EDEM1: variants seen among roughly 807,000 people sequenced by gnomAD.
The protein encoded by EDEM1 is ER degradation-enhancing alpha-mannosidase-like protein 1.
A neutral mutation model predicts 74.4 loss-of-function variants in EDEM1; 67 were observed. That is an observed-to-expected ratio of 0.90 (90% CI 0.74 to 1.10). The LOEUF (loss-of-function observed/expected upper bound fraction) is 1.10. Among genes scored for constraint, EDEM1 ranks in the 50% least tolerant of loss-of-function variants. EDEM1 has a pLI of 0.00. For missense variants in EDEM1, 926 were observed against 851.6 expected, an observed-to-expected ratio of 1.09 and a Z score of -1.09; for synonymous variants, 382 against 335.9, an observed-to-expected ratio of 1.14 and a Z score of -1.50.
At chr3:5,204,472 C>G (rs2055071732) in intron 5 of EDEM1, among the ~76,000 whole-genome samples, 1 of 152,020 alleles carries the variant, frequency 6.6e-6, no homozygotes, top group Non-Finnish European at 1.5e-5. Context: ...CTCCCAGGCT[C>G]AAGTGATCCC....
At chr3:5,209,875 C>T (rs751625700) in intron 8 of EDEM1, among the ~76,000 whole-genome samples, 1 of 152,128 alleles carries the variant, frequency 6.6e-6, no homozygotes, top group Non-Finnish European at 1.5e-5. Context: ...GTGCTGTCAG[C>T]GTGGGCATTG....
chr3:5,202,169 T>C (rs2055042390), intron 4 of EDEM1, among the ~76,000 whole-genome samples: 1 of 152,138 alleles, frequency 6.6e-6, no homozygotes, highest in Non-Finnish European at 1.5e-5. Flanking sequence ...CCTTAAAGAG[T>C]AGATGTTCTG....
At chr3:5,201,430 G>A (rs163766) in intron 3 of EDEM1, among the ~76,000 whole-genome samples, 146,182 of 152,300 alleles carry the variant, frequency 0.96, 70,207 homozygotes, top group Non-Finnish European at 0.98. Context: ...GACTACAGGC[G>A]TGAGCCACCG....
chr3:5,207,212 T>G lies in EDEM1; in HGVS notation c.1277T>G (p.Phe426Cys). The change falls in exon 7 of 12, where the codon TTC (phenylalanine) becomes TGC (cysteine). Residue 426 changes from phenylalanine (F) to cysteine (C), a missense_variant. Coordinates refer to ENST00000256497, the MANE Select transcript of EDEM1 (RefSeq NM_014674.3). ...CCACTCTATGTCAACGTGAACATGT[T>G]CAGTGGGCAGCTGATGAACACCTGG... Reference protein sequence around the residue: ...DPPLYVNVNMFSGQLMNTWID... With the variant: ...DPPLYVNVNMCSGQLMNTWID... 2 of 1,614,212 alleles carry G rather than the reference T, an allele frequency of 1.2e-6. No individual in the cohort carries two copies. Among genetic ancestry groups the G allele is most frequent in the Non-Finnish European group, 1.7e-6 (2 of 1,180,028 alleles).
intron 2 of EDEM1, among the ~76,000 whole-genome samples, chr3:5,198,513 A>ATGAC (rs2054996792): frequency 1.3e-5 from 2 of 152,308 alleles, no homozygotes; most frequent in African/African-American, 4.8e-5. Flanking sequence ...GAGCAGAGGG[A>ATGAC]TGACTGAGTT....
In EDEM1 at chr3:5,212,232, C is replaced by T. The variant is rs554696916; in HGVS notation, c.1680+1016C>T. 9.9e-4 allele frequency among the ~76,000 whole-genome samples: 151 copies of T among 152,300 alleles called. 1 individual carries two copies. The highest frequency in any genetic ancestry group is 2.8e-4 in the Non-Finnish European group (19 of 68,018). On this transcript the variant is annotated intron_variant, in intron 10 of 11. Transcript: ENST00000256497. ...GAGCTGCTGGTCTAATCCATTAAGA[C>T]GATACTCTTCTCTGTCTGGGGTCTT...
intron 11 of EDEM1, 67 bp from the exon 12 acceptor site, chr3:5,215,762 A>G: frequency 7.1e-7 from 1 of 1,415,342 alleles, no homozygotes; most frequent in East Asian, 2.3e-5. Flanking sequence ...GGATTAAGTC[A>G]TCCAGTCACA....
At chr3:5,205,891 A>G (rs1303979779) in intron 6 of EDEM1, among the ~76,000 whole-genome samples, 1 of 152,100 alleles carries the variant, frequency 6.6e-6, no homozygotes, top group Non-Finnish European at 1.5e-5. Flanking sequence ...GCTCGCACGG[A>G]TGGAGGTTCT....
Position 5,187,743 on chromosome 3 carries a change from G to C in EDEM1, c.-63G>C, listed in dbSNP as rs2054840927. 2.8e-6 allele frequency: 4 copies of C among 1,445,722 alleles called. No individual in the cohort carries two copies. In the African/African-American group the frequency reaches 5.9e-5, roughly 21 times the overall value. The allele number at this position is 1,445,722 out of a possible 1,614,324, so 89.6% of individuals were successfully genotyped here. A position where few individuals can be genotyped will look rare whatever the true frequency, so the allele number is the denominator to read the frequency against. On this transcript the variant is annotated 5_prime_UTR_variant, in exon 1 of 12. Coordinates refer to ENST00000256497, the MANE Select transcript of EDEM1 (RefSeq NM_014674.3). ...GAGCCGGGCTACGGGGCGAGCGCGG[G>C]GTGCGGTGGTCGGCGGGGAGGCCCC...
In EDEM1 at chr3:5,202,884, G is replaced by A. The variant is rs2055050003; in HGVS notation, c.859-82G>A. On this transcript the variant is annotated intron_variant, in intron 4 of 11. Transcript: ENST00000256497. Reference sequence around the variant, plus strand: ...CCGTGGTAAGCTTGGTTTATTAGCTGAGTGTAGTCTCTGAGACCCGGCTTT... The same window carrying A: ...CCGTGGTAAGCTTGGTTTATTAGCTAAGTGTAGTCTCTGAGACCCGGCTTT... The A allele has an allele frequency of 3.1e-6, 4 of 1,286,464 alleles. No homozygotes were observed. The South Asian group carries it at 4.0e-5, about 13-fold the overall frequency. 79.7% of individuals were successfully genotyped at this position (1,286,464 alleles called of 1,614,324 possible).
At chr3:5,208,861 A>G (rs2106605661) in intron 8 of EDEM1, among the ~76,000 whole-genome samples, 1 of 152,122 alleles carries the variant, frequency 6.6e-6, no homozygotes, top group East Asian at 1.9e-4. Flanking sequence ...TAACTGTGAA[A>G]TGTCTTCTTC....
rs1383470380 is a variant in EDEM1 at position 5,217,110 on chromosome 3, G to A, written c.*1192G>A. ...CAGGAGGCCTGTTTAGCCACATGGT[G>A]AGACCGTGGTGAAAGGGGGATGGAA... On this transcript the variant is annotated 3_prime_UTR_variant, in exon 12 of 12. Transcript: ENST00000256497. 2 of 152,676 alleles carry A rather than the reference G, an allele frequency of 1.3e-5. No individual in the cohort carries two copies. The highest frequency in any genetic ancestry group is 2.9e-5 in the Non-Finnish European group (2 of 68,050). 9.5% of individuals were successfully genotyped at this position (152,676 alleles called of 1,614,324 possible). A position where few individuals can be genotyped will look rare whatever the true frequency, so the allele number is the denominator to read the frequency against.
rs935616749 is a variant in EDEM1 at position 5,215,828 on chromosome 3, G to C, written c.1885-1G>C. 1.2e-6 allele frequency: 2 copies of C among 1,612,982 alleles called. No individual in the cohort carries two copies. Among genetic ancestry groups the C allele is most frequent in the Admixed American group, 1.7e-5 (1 of 59,832 alleles). On this transcript the variant is annotated splice_acceptor_variant, in intron 11 of 11. Coordinates refer to ENST00000256497, the MANE Select transcript of EDEM1 (RefSeq NM_014674.3). LOFTEE classifies it high-confidence loss of function. ...ATTTTCCCTCGTTTTTGTCTTTCTAGTGCAATCGTGTACCTGATGAGAGGA... is the reference window on the plus strand; with the variant it reads ...ATTTTCCCTCGTTTTTGTCTTTCTACTGCAATCGTGTACCTGATGAGAGGA...
At chr3:5,210,719 T>C (rs1369535419) in intron 9 of EDEM1, among the ~76,000 whole-genome samples, 1 of 152,110 alleles carries the variant, frequency 6.6e-6, no homozygotes, top group Non-Finnish European at 1.5e-5. Context: ...TGTAAGTTTT[T>C]TTTTTTAAGT....
chr3:5,201,721 T>C lies in EDEM1; in HGVS notation c.687-32T>C, dbSNP rs60262729. 4.4e-4 allele frequency: 716 copies of C among 1,612,678 alleles called. 5 individuals carry two copies. The African/African-American group carries it at 9.1e-3, about 20-fold the overall frequency. ...TTATGTGCATTTACAAGCAACACGA[T>C]TGTATTATCTTTTTGTTCTTCCTGT... is the stretch of plus-strand genomic sequence containing the variant. On this transcript the variant is annotated intron_variant, in intron 3 of 11. Coordinates refer to ENST00000256497, the MANE Select transcript of EDEM1 (RefSeq NM_014674.3).
In EDEM1 at chr3:5,219,546, T is replaced by C. The variant is rs531742182; in HGVS notation, c.*3628T>C. 2.1e-4 allele frequency: 32 copies of C among 152,348 alleles called. No individual in the cohort carries two copies. The highest frequency in any genetic ancestry group is 7.5e-4 in the African/African-American group (31 of 41,590). The allele number at this position is 152,348 out of a possible 1,614,324, so 9.4% of individuals were successfully genotyped here. A position where few individuals can be genotyped will look rare whatever the true frequency, so the allele number is the denominator to read the frequency against. On this transcript the variant is annotated 3_prime_UTR_variant, in exon 12 of 12. Coordinates refer to ENST00000256497, the MANE Select transcript of EDEM1 (RefSeq NM_014674.3). ...TCTGGACGTGAATCTGGTAAAAATATCAAGTACCTGTGGAACTCCCTGATT... is the reference window on the plus strand; with the variant it reads ...TCTGGACGTGAATCTGGTAAAAATACCAAGTACCTGTGGAACTCCCTGATT...
At position 5,213,464 on chromosome 3, in the gene EDEM1, G is replaced by C; in HGVS notation, c.1826G>C (p.Gly609Ala). The C allele has an allele frequency of 1.2e-6, 2 of 1,614,062 alleles. No homozygotes were observed. The highest frequency in any genetic ancestry group is 1.7e-6 in the Non-Finnish European group (2 of 1,179,950). Reference protein sequence around the residue: ...FSEEGGQDQGGKSVHRPKPHE... With the variant: ...FSEEGGQDQGAKSVHRPKPHE... ...GAAGAGGGAGGGCAGGACCAAGGGGGAAAGTCTGTGCACAGGCCGAAACCT... is the reference window on the plus strand; with the variant it reads ...GAAGAGGGAGGGCAGGACCAAGGGGCAAAGTCTGTGCACAGGCCGAAACCT... The change falls in exon 11 of 12, where the codon GGA becomes GCA. Residue 609 changes from glycine to alanine, a missense_variant. Gly to Ala is a moderately conservative substitution (Grantham distance 60). Coordinates refer to ENST00000256497, the MANE Select transcript of EDEM1 (RefSeq NM_014674.3).
chr3:5,208,770 T>TATAC (rs1553592914), intron 8 of EDEM1, among the ~76,000 whole-genome samples: 9 of 148,416 alleles, frequency 6.1e-5, no homozygotes, highest in Admixed American at 2.7e-4. Context: ...TATATATATA[T>TATAC]ACACACACAC....
Position 5,187,930 on chromosome 3 carries a change from G to T in EDEM1, c.125G>T (p.Gly42Val), listed in dbSNP as rs931285966. The change falls in exon 1 of 12, where the codon GGC becomes GTC. Residue 42 changes from glycine to valine, a missense_variant. By Grantham distance (109) the Gly-to-Val change is moderately radical (BLOSUM62 -3). Transcript: ENST00000256497. ...TACCAGCGCTTTCCGCTCAGCTTCG[G>T]CTTCCAGCGTCTGAGGAGCCCCGAC... ...GFYQRFPLSFGFQRLRSPDGP... is the reference protein window; with the variant it reads ...GFYQRFPLSFVFQRLRSPDGP... The T allele has an allele frequency of 5.0e-6, 8 of 1,589,364 alleles. No individual in the cohort carries two copies. The highest frequency in any genetic ancestry group is 6.8e-6 in the Non-Finnish European group (8 of 1,171,034).
Sources: allele counts gnomAD v4.1 joint callset (sites outside exome capture counted in the v4.1 genomes callset), GRCh38; gene constraint gnomAD v4.1.1; transcripts MANE v1.5; gene names NCBI Gene and HGNC (gene_info 2026-07-23, HGNC 2026-07-21).